The following ADAMTS18 variants were observed in gnomAD, a reference collection of about 807,000 sequenced individuals.
ADAMTS18 encodes ADAM metallopeptidase with thrombospondin type 1 motif 18.
ADAMTS18 carries 157 observed loss-of-function variants against 165.9 expected under a neutral mutation model. The ratio of observed to expected loss-of-function variants is 0.95; its 90% confidence interval spans 0.83 to 1.08. The LOEUF is 1.08. Among genes scored for constraint, ADAMTS18 ranks in the 50% least tolerant of loss-of-function variants. ADAMTS18 has a pLI of 0.00. For synonymous variants in ADAMTS18, 782 were observed against 578.2 expected (o/e 1.35, Z -5.06); for missense variants, 2,040 against 1,534.0 (o/e 1.33, Z -5.51).
intron 3 of ADAMTS18, among the ~76,000 whole-genome samples, chr16:77,427,576 CACAGATTA>C (rs2057689405): frequency 6.6e-6 from 1 of 152,150 alleles, no homozygotes; most frequent in South Asian, 2.1e-4. Flanking sequence ...CTAGCACCTT[CACAGATTA>C]TAAGGCCACC....
intron 3 of ADAMTS18, among the ~76,000 whole-genome samples, chr16:77,377,977 A>T (rs1364891459): frequency 1.3e-5 from 2 of 152,202 alleles, no homozygotes; most frequent in African/African-American, 4.8e-5. Context: ...TAAGTAAAGA[A>T]AATGCTGAGA....
In ADAMTS18 at chr16:77,314,625, ATGTG is replaced by A. The variant is rs199832008; in HGVS notation, c.2532+5220_2532+5223del. Among the ~76,000 whole-genome samples, 57 of 132,574 alleles carry A rather than the reference ATGTG, an allele frequency of 4.3e-4. 1 individual carries two copies. The highest frequency in any genetic ancestry group is 1.6e-3 in the African/African-American group (56 of 35,162). The allele number at this position is 132,574 out of a possible 152,430, so 87.0% of individuals were successfully genotyped here. A position where few individuals can be genotyped will look rare whatever the true frequency, so the allele number is the denominator to read the frequency against. ...AAAACTCTGTCTCAAAAAAAAAAAAATGTGTGTGTATGTGTGTGTGTGTGTATAT... is the reference window on the plus strand; with the variant it reads ...AAAACTCTGTCTCAAAAAAAAAAAAATGTGTATGTGTGTGTGTGTGTATAT... On this transcript the variant is annotated intron_variant, in intron 16 of 22. Coordinates refer to ENST00000282849, the MANE Select transcript of ADAMTS18 (RefSeq NM_199355.4).
rs765866153 is a variant in ADAMTS18, at chr16:77,362,120, G to T, written c.1201C>A (p.Pro401Thr). 6.2e-7 allele frequency: 1 copy of T among 1,614,024 alleles called. No homozygotes were observed. Among genetic ancestry groups the T allele is most frequent in the South Asian group, 1.1e-5 (1 of 91,078 alleles). The change falls in exon 7 of 23, where the codon CCA becomes ACA. Residue 401 changes from proline (P) to threonine (T), a missense_variant. Pro to Thr is a conservative substitution (Grantham distance 38, BLOSUM62 -1). Transcript: ENST00000282849. ...CATACCATACCTAGAGTGTCACATG[G>T]TTCATTCTTCCAAGAACAAATATCA... ...GFDICSWKNE[P>T]CDTLGFAPIS...
At chr16:77,425,070 G>T (rs1408027413) in intron 3 of ADAMTS18, among the ~76,000 whole-genome samples, 2 of 152,158 alleles carry the variant, frequency 1.3e-5, no homozygotes, top group Non-Finnish European at 2.9e-5. Context: ...TTGAAAGGGG[G>T]AGATCAAAGC....
chr16:77,413,803 A>T (rs552678495), intron 3 of ADAMTS18, among the ~76,000 whole-genome samples: 26 of 104,498 alleles, frequency 2.5e-4, no homozygotes, highest in African/African-American at 8.4e-4. Flanking sequence ...AGAGGTTTCC[A>T]TCTGAAAAAA....
At position 77,321,155 on chromosome 16, in the gene ADAMTS18, A is replaced by T. The variant is rs2144640155; in HGVS notation, c.2211T>A (p.Ala737=). Residue 737 remains alanine (A), a synonymous_variant, in exon 15 of 23, where the codon GCT becomes GCA. Coordinates refer to ENST00000282849, the MANE Select transcript of ADAMTS18 (RefSeq NM_199355.4). ...AATTATCACCTTTGCAAACGCCACAAGCATCTGAAACTGCTTTAGAGCCTA... is the reference window on the plus strand; with the variant it reads ...AATTATCACCTTTGCAAACGCCACATGCATCTGAAACTGCTTTAGAGCCTA... ...HELGSKAVSD[A]CGVCKGDNST... is the part of the protein sequence containing the mutation. 2 of 1,614,208 alleles carry T rather than the reference A, an allele frequency of 1.2e-6. No individual in the cohort carries two copies. Among genetic ancestry groups the T allele is most frequent in the Non-Finnish European group, 1.7e-6 (2 of 1,180,022 alleles).
chr16:77,425,316 G>A (rs953173892), intron 3 of ADAMTS18, among the ~76,000 whole-genome samples: 2 of 152,160 alleles, frequency 1.3e-5, no homozygotes, highest in Non-Finnish European at 2.9e-5. Flanking sequence ...GATGCATCAG[G>A]AATTGAGGCT....
rs570496604 is a variant in ADAMTS18, at chr16:77,287,146, G to C, written c.3550+2118C>G. Among the ~76,000 whole-genome samples the C allele has an allele frequency of 6.2e-4, 95 of 152,240 alleles. No individual in the cohort carries two copies. The East Asian group carries it at 0.011, about 17-fold the overall frequency. On this transcript the variant is annotated intron_variant, in intron 22 of 22. Transcript: ENST00000282849. Reference sequence around the variant, plus strand: ...TTCTACCCAAGTGGAAGCTCCATAAGGGGAGGAAACTCTCACAGTGCCTAG... The same window carrying C: ...TTCTACCCAAGTGGAAGCTCCATAACGGGAGGAAACTCTCACAGTGCCTAG...
At chr16:77,360,230 C>A (rs911819435) in intron 7 of ADAMTS18, among the ~76,000 whole-genome samples, 11 of 152,322 alleles carry the variant, frequency 7.2e-5, no homozygotes, top group African/African-American at 2.6e-4. Context: ...GGATCATTAT[C>A]ATTACTACCA....
At chr16:77,390,001 G>T (rs1156627633) in intron 3 of ADAMTS18, among the ~76,000 whole-genome samples, 3 of 152,274 alleles carry the variant, frequency 2.0e-5, no homozygotes, top group African/African-American at 7.2e-5. Flanking sequence ...CTACAACTTG[G>T]AATAAAATCT....
chr16:77,389,164 G>C (rs2057151065), intron 3 of ADAMTS18, among the ~76,000 whole-genome samples: 1 of 152,122 alleles, frequency 6.6e-6, no homozygotes. Flanking sequence ...AGCGAGGCAT[G>C]GTTGCACATA....
At chr16:77,312,245 G>GT (rs1049357660) in intron 16 of ADAMTS18, among the ~76,000 whole-genome samples, 12 of 144,186 alleles carry the variant, frequency 8.3e-5, no homozygotes, top group East Asian at 4.1e-4. Flanking sequence ...TTTTTTTTTT[G>GT]TTTTTTTTGA....
In ADAMTS18 at chr16:77,425,299, A is replaced by G. The variant is rs537429413; in HGVS notation, c.495+5996T>C. Among the ~76,000 whole-genome samples, 23 of 152,266 alleles carry G rather than the reference A, an allele frequency of 1.5e-4. No homozygotes were observed. The East Asian group carries it at 4.1e-3, about 27-fold the overall frequency. Reference sequence around the variant, plus strand: ...AAACGAGGGGAAACCGAGTGACAAAATTGGATGATGCATCAGGAATTGAGG... The same window carrying G: ...AAACGAGGGGAAACCGAGTGACAAAGTTGGATGATGCATCAGGAATTGAGG... On this transcript the variant is annotated intron_variant, in intron 3 of 22. Coordinates refer to ENST00000282849, the MANE Select transcript of ADAMTS18 (RefSeq NM_199355.4).
chr16:77,287,106 A>G (rs2055268684), intron 22 of ADAMTS18, among the ~76,000 whole-genome samples: 1 of 152,144 alleles, frequency 6.6e-6, no homozygotes, highest in African/African-American at 2.4e-5. Context: ...TTAAGTGACT[A>G]CAATGGGTAG....
At chr16:77,302,470 C>G (rs2055603088) in intron 16 of ADAMTS18, among the ~76,000 whole-genome samples, 1 of 152,102 alleles carries the variant, frequency 6.6e-6, no homozygotes, top group African/African-American at 2.4e-5. Context: ...GCCCACAAGG[C>G]AGAATGGTAT....
At chr16:77,399,996 A>G (rs1484457954) in intron 3 of ADAMTS18, among the ~76,000 whole-genome samples, 2 of 152,178 alleles carry the variant, frequency 1.3e-5, no homozygotes, top group African/African-American at 4.8e-5. Context: ...TAAAATAAGC[A>G]AAAAGGCTTT....
chr16:77,357,803 C>T (rs1464261494), intron 8 of ADAMTS18, among the ~76,000 whole-genome samples: 1 of 152,042 alleles, frequency 6.6e-6, no homozygotes, highest in Non-Finnish European at 1.5e-5. Context: ...TTCTTAAGTC[C>T]ATGTTATTTA....
chr16:77,322,010 C>A (rs540744155), intron 14 of ADAMTS18, among the ~76,000 whole-genome samples: 1 of 152,088 alleles, frequency 6.6e-6, no homozygotes, highest in Non-Finnish European at 1.5e-5. Context: ...ACAAAATTAG[C>A]CAGGTGTGGT....
chr16:77,359,143 T>A (rs1264858960), intron 8 of ADAMTS18, among the ~76,000 whole-genome samples, 175 bp downstream of exon 8: 3 of 152,326 alleles, frequency 2.0e-5, no homozygotes, highest in East Asian at 3.9e-4. Flanking sequence ...TTAAAGAGAA[T>A]GAAATCAACA....
Sources: gnomAD v4.1 joint callset for allele counts (sites outside exome capture counted in the v4.1 genomes callset) on GRCh38, gnomAD v4.1.1 for gene constraint, MANE v1.5 for transcripts, NCBI Gene and HGNC (gene_info 2026-07-23, HGNC 2026-07-21) for gene names.